Variants in DPH6 observed in about 807,000 individuals in gnomAD.
The protein encoded by DPH6 is diphthine--ammonia ligase.
In DPH6, 33 loss-of-function variants were observed where a neutral mutation model predicts 38.2. The ratio of observed to expected loss-of-function variants is 0.86; its 90% confidence interval spans 0.65 to 1.15. DPH6 has a LOEUF of 1.15. Ranked by LOEUF, DPH6 falls within the 50% of genes most tolerant of loss-of-function variation. The pLI is 0.00. For missense variants in DPH6, 325 were observed against 320.0 expected (o/e 1.02, Z -0.12); for synonymous variants, 108 against 103.0 (o/e 1.05, Z -0.30).
chr15:35,491,034 T>A (rs2054469700), intron 3 of DPH6, among the ~76,000 whole-genome samples: 1 of 152,090 alleles, frequency 6.6e-6, no homozygotes, highest in Non-Finnish European at 1.5e-5. Context: ...ATAGCATTAA[T>A]CCATTCTTGA....
chr15:35,451,715 T>C (rs1363343048), intron 4 of DPH6, among the ~76,000 whole-genome samples: 1 of 152,104 alleles, frequency 6.6e-6, no homozygotes, highest in Non-Finnish European at 1.5e-5. Flanking sequence ...GTGATCCTTT[T>C]AAGACATAAA....
intron 3 of DPH6, among the ~76,000 whole-genome samples, chr15:35,251,644 C>T (rs1020639765): frequency 1.3e-5 from 2 of 152,238 alleles, no homozygotes; most frequent in Non-Finnish European, 2.9e-5. Context: ...TAGTCTCTCA[C>T]CACTTTGCTT....
At chr15:35,175,576 A>G in the DPH6 span, among the ~76,000 whole-genome samples, 1 of 152,142 alleles carries the variant, frequency 6.6e-6, no homozygotes, top group Admixed American at 6.5e-5. Context: ...ATAAAATCTC[A>G]GAGAGTACTG....
chr15:35,502,576 T>C (rs2054641348), intron 3 of DPH6, among the ~76,000 whole-genome samples: 1 of 151,860 alleles, frequency 6.6e-6, no homozygotes, highest in African/African-American at 2.4e-5. Flanking sequence ...ATGAACCAAG[T>C]GGTAGTATTT....
intron 3 of DPH6, among the ~76,000 whole-genome samples, chr15:35,292,882 A>G (rs2051989321): frequency 6.6e-6 from 1 of 152,152 alleles, no homozygotes; most frequent in Admixed American, 6.6e-5. Context: ...TTTGAATATA[A>G]CATTTTAAAG....
chr15:35,341,891 G>A (rs2052424586), intron 3 of DPH6, among the ~76,000 whole-genome samples: 2 of 152,214 alleles, frequency 1.3e-5, no homozygotes, highest in Admixed American at 1.3e-4. Flanking sequence ...CTTTTTGGCA[G>A]AGCAGGTGTG....
At chr15:35,378,686 G>A (rs965025018) in intron 7 of DPH6, among the ~76,000 whole-genome samples, 3 of 152,128 alleles carry the variant, frequency 2.0e-5, no homozygotes, top group Non-Finnish European at 4.4e-5. Context: ...GGACAAGGAT[G>A]AAGCTGAAAA....
At chr15:35,437,062 T>C (rs1184631328) in intron 5 of DPH6, among the ~76,000 whole-genome samples, 2 of 151,992 alleles carry the variant, frequency 1.3e-5, no homozygotes, top group Non-Finnish European at 2.9e-5. Flanking sequence ...CATGTTTACA[T>C]GGGTGAAAGC....
intron 3 of DPH6, among the ~76,000 whole-genome samples, chr15:35,461,865 T>C (rs1183136362): frequency 6.6e-6 from 1 of 152,196 alleles, no homozygotes; most frequent in East Asian, 1.9e-4. Flanking sequence ...AGGAAAGCTA[T>C]ATTTTCCCCC....
At chr15:35,441,591 G>A (rs955746586) in intron 5 of DPH6, among the ~76,000 whole-genome samples, 6 of 152,224 alleles carry the variant, frequency 3.9e-5, no homozygotes, top group Non-Finnish European at 5.9e-5. Context: ...GTTCTCACTC[G>A]TAAGTGGGAG....
chr15:35,365,753 C>A, intron 3 of DPH6: 1 of 982,936 alleles, frequency 1.0e-6, no homozygotes, highest in Non-Finnish European at 1.2e-6. Flanking sequence ...TCCATTTACT[C>A]GAGACAGAAA....
chr15:35,277,277 T>G (rs555717631), intron 3 of DPH6, among the ~76,000 whole-genome samples: 2 of 152,352 alleles, frequency 1.3e-5, no homozygotes, highest in East Asian at 3.9e-4. Flanking sequence ...TAATTTTGTA[T>G]GTGGAAACTT....
At chr15:35,425,212 T>C (rs11629935) in intron 5 of DPH6, among the ~76,000 whole-genome samples, 35,186 of 151,404 alleles carry the variant, frequency 0.23, 4,239 homozygotes, top group South Asian at 0.37. Flanking sequence ...CACTTTCCAA[T>C]CATGCCAAGT....
chr15:35,258,266 T>C (rs966767635), intron 3 of DPH6, among the ~76,000 whole-genome samples: 5 of 152,178 alleles, frequency 3.3e-5, no homozygotes, highest in African/African-American at 1.2e-4. Flanking sequence ...AGGAATAGCC[T>C]AGAACTGTTT....
intron 3 of DPH6, among the ~76,000 whole-genome samples, chr15:35,261,832 T>A (rs568850647): frequency 6.8e-6 from 1 of 147,064 alleles, no homozygotes; most frequent in Non-Finnish European, 1.5e-5. Flanking sequence ...GACCCTCTCT[T>A]AAAAAAAAAA....
At chr15:35,262,565 G>A (rs1320335096) in intron 3 of DPH6, among the ~76,000 whole-genome samples, 2 of 151,940 alleles carry the variant, frequency 1.3e-5, no homozygotes, top group Admixed American at 1.3e-4. Context: ...AATTAGCTGG[G>A]CGTGGTGGCG....
At chr15:35,145,491 T>C in the DPH6 span, among the ~76,000 whole-genome samples, 1 of 152,246 alleles carries the variant, frequency 6.6e-6, no homozygotes, top group Admixed American at 6.5e-5. Flanking sequence ...ACAAACAGTA[T>C]GAACATTCTA....
In DPH6 at chr15:35,492,229, G is replaced by A. The variant is rs754650800; in HGVS notation, c.313-37409C>T. 9.2e-5 allele frequency among the ~76,000 whole-genome samples: 14 copies of A among 151,992 alleles called. No homozygotes were observed. The South Asian group carries it at 1.0e-3, about 11-fold the overall frequency. ...TCTATTAAGGCCTCCAACACATTGC[G>A]GGGAGGGCAATGTGCTTTACTCCGT... On this transcript the variant is annotated intron_variant, in intron 3 of 8. Coordinates refer to ENST00000256538, the MANE Select transcript of DPH6 (RefSeq NM_080650.4).
intron 3 of DPH6, among the ~76,000 whole-genome samples, chr15:35,312,182 C>T (rs1369570822): frequency 6.6e-6 from 1 of 151,928 alleles, no homozygotes; most frequent in Non-Finnish European, 1.5e-5. Flanking sequence ...TTTTATAAAA[C>T]CTAGTACAAA....
Sources: allele counts gnomAD v4.1 joint callset (sites outside exome capture counted in the v4.1 genomes callset), GRCh38; gene constraint gnomAD v4.1.1; transcripts MANE v1.5; gene names NCBI Gene and HGNC (gene_info 2026-07-23, HGNC 2026-07-21).